The following SYNDIG1 variants were observed in gnomAD, a reference collection of about 807,000 sequenced individuals.
SYNDIG1 encodes synapse differentiation inducing 1, also known as synapse differentiation-inducing gene protein 1.
A neutral mutation model predicts 19.4 loss-of-function variants in SYNDIG1; 9 were observed. That is an observed-to-expected ratio of 0.46 (90% confidence interval 0.28 to 0.81). The LOEUF (loss-of-function observed/expected upper bound fraction) is 0.81. Ranked by LOEUF, SYNDIG1 falls within the 30% of genes least tolerant of loss-of-function variation. SYNDIG1 has a pLI of 0.12. For synonymous variants in SYNDIG1, 141 were observed against 145.9 expected, an observed-to-expected ratio of 0.97 and a Z score of 0.24; for missense variants, 311 against 343.3, an observed-to-expected ratio of 0.91 and a Z score of 0.74.
intron 2 of SYNDIG1, among the ~76,000 whole-genome samples, chr20:24,557,528 G>A (rs1433402327): frequency 6.6e-6 from 1 of 152,174 alleles, no homozygotes; most frequent in Non-Finnish European, 1.5e-5. Context: ...CTAACAGACA[G>A]GACCCTCAGC....
intron 1 of SYNDIG1, among the ~76,000 whole-genome samples, chr20:24,532,867 A>G (rs1359438520): frequency 2.0e-5 from 3 of 152,162 alleles, no homozygotes; most frequent in African/African-American, 7.2e-5. Flanking sequence ...ATCTGCATTT[A>G]GATCAACAAC....
intron 1 of SYNDIG1, among the ~76,000 whole-genome samples, chr20:24,477,531 G>A (rs1188725479): frequency 6.6e-6 from 1 of 152,176 alleles, no homozygotes; most frequent in Non-Finnish European, 1.5e-5. Flanking sequence ...CAGACTCATA[G>A]ACAGTGGGAA....
At chr20:24,516,695 T>C (rs1381134710) in intron 1 of SYNDIG1, among the ~76,000 whole-genome samples, 1 of 152,138 alleles carries the variant, frequency 6.6e-6, no homozygotes, top group Non-Finnish European at 1.5e-5. Context: ...TGTGGAGAAA[T>C]AGGAACACTT....
intron 2 of SYNDIG1, among the ~76,000 whole-genome samples, chr20:24,581,596 CAT>C (rs2058324120): frequency 6.6e-6 from 1 of 152,110 alleles, no homozygotes; most frequent in African/African-American, 2.4e-5. Context: ...CCCGAAGCCA[CAT>C]GTTTTCAGTG....
intron 2 of SYNDIG1, among the ~76,000 whole-genome samples, chr20:24,576,458 G>A (rs1172774748): frequency 2.0e-5 from 3 of 152,208 alleles, no homozygotes; most frequent in African/African-American, 4.8e-5. Flanking sequence ...GCTTTGGGCT[G>A]TTGCGATGTG....
At chr20:24,500,344 G>A (rs545836175) in intron 1 of SYNDIG1, among the ~76,000 whole-genome samples, 1 of 152,264 alleles carries the variant, frequency 6.6e-6, no homozygotes, top group Non-Finnish European at 1.5e-5. Context: ...AAGAAAGGAT[G>A]GAGTCCTTTT....
chr20:24,500,383 C>T (rs531742704), intron 1 of SYNDIG1, among the ~76,000 whole-genome samples: 1 of 152,254 alleles, frequency 6.6e-6, no homozygotes, highest in East Asian at 1.9e-4. Context: ...ATCCTTTTTC[C>T]ATGAGTTTCC....
chr20:24,644,235 G>A (rs2059404138), intron 3 of SYNDIG1, among the ~76,000 whole-genome samples: 1 of 152,216 alleles, frequency 6.6e-6, no homozygotes, highest in South Asian at 2.1e-4. Flanking sequence ...TGAATCTTCA[G>A]CCCTCTATTG....
chr20:24,601,024 T>C (rs1266860964), intron 3 of SYNDIG1, among the ~76,000 whole-genome samples: 2 of 152,242 alleles, frequency 1.3e-5, no homozygotes, highest in African/African-American at 4.8e-5. Context: ...AAGTAGGCTC[T>C]TTAGGTAACT....
chr20:24,489,349 C>T (rs1004169972), intron 1 of SYNDIG1, among the ~76,000 whole-genome samples: 1 of 150,572 alleles, frequency 6.6e-6, no homozygotes, highest in African/African-American at 2.5e-5. Flanking sequence ...TGCACACACA[C>T]ACAAGATACA....
At chr20:24,504,249 C>T (rs550734197) in intron 1 of SYNDIG1, among the ~76,000 whole-genome samples, 10 of 152,314 alleles carry the variant, frequency 6.6e-5, no homozygotes, top group South Asian at 2.1e-4. Context: ...TGAGCCACCG[C>T]GCCCAGCCAG....
intron 2 of SYNDIG1, among the ~76,000 whole-genome samples, chr20:24,569,100 C>G (rs1217786482): frequency 1.3e-5 from 2 of 152,116 alleles, no homozygotes; most frequent in African/African-American, 4.8e-5. Context: ...CTTTTGGTGT[C>G]GGAAATACGA....
intron 3 of SYNDIG1, among the ~76,000 whole-genome samples, chr20:24,611,141 G>A (rs1200981525): frequency 6.6e-6 from 1 of 151,934 alleles, no homozygotes; most frequent in South Asian, 2.1e-4. Context: ...CACGGCCCAC[G>A]GCTCCCTCCC....
intron 1 of SYNDIG1, among the ~76,000 whole-genome samples, chr20:24,534,069 A>G (rs1215475518): frequency 6.6e-6 from 1 of 152,106 alleles, no homozygotes; most frequent in Non-Finnish European, 1.5e-5. Context: ...AGCAAGAGAA[A>G]GAGGAGGGGG....
chr20:24,620,417 C>G (rs1222054382), intron 3 of SYNDIG1, among the ~76,000 whole-genome samples: 2 of 152,224 alleles, frequency 1.3e-5, no homozygotes, highest in African/African-American at 4.8e-5. Flanking sequence ...TCAGTGCTGG[C>G]TGTTTGCAGG....
chr20:24,584,687 A>T (rs1012982251), intron 2 of SYNDIG1, among the ~76,000 whole-genome samples, 169 bp from the exon 3 acceptor site: 2 of 152,144 alleles, frequency 1.3e-5, no homozygotes, highest in Non-Finnish European at 2.9e-5. Context: ...CCTTCCTGGG[A>T]GGCTGTGTAC....
chr20:24,617,756 A>G (rs1380482016), intron 3 of SYNDIG1, among the ~76,000 whole-genome samples: 1 of 147,262 alleles, frequency 6.8e-6, no homozygotes, highest in Non-Finnish European at 1.5e-5. Flanking sequence ...GAGCTCGGGA[A>G]GCTTAAGGAG....
At chr20:24,614,849 G>T (rs1185044913) in intron 3 of SYNDIG1, among the ~76,000 whole-genome samples, 1 of 152,178 alleles carries the variant, frequency 6.6e-6, no homozygotes, top group Non-Finnish European at 1.5e-5. Flanking sequence ...TAATGTAATT[G>T]GTGAATGGAG....
chr20:24,585,048 T>TGGGG, intron 3 of SYNDIG1, 55 bp downstream of exon 3: 3 of 395,194 alleles, frequency 7.6e-6, no homozygotes, highest in Admixed American at 4.4e-5. Flanking sequence ...AGGGTGGGGG[T>TGGGG]GGGGGCGGCA....
Sources: allele counts gnomAD v4.1 joint callset (sites outside exome capture counted in the v4.1 genomes callset), GRCh38; gene constraint gnomAD v4.1.1; transcripts MANE v1.5; gene names NCBI Gene and HGNC (gene_info 2026-07-23, HGNC 2026-07-21).